Variants in SLC6A9 observed in about 807,000 individuals in gnomAD.
SLC6A9 encodes solute carrier family 6 member 9, also known as sodium- and chloride-dependent glycine transporter 1.
In SLC6A9, 31 loss-of-function variants were observed where a neutral mutation model predicts 70.9. The observed-to-expected ratio is 0.44, with a 90% CI of 0.33 to 0.59. The LOEUF (loss-of-function observed/expected upper bound fraction) is 0.59. Among genes scored for constraint, SLC6A9 ranks in the 20% least tolerant of loss-of-function variants. SLC6A9 has a pLI of 0.04. For synonymous variants in SLC6A9, 310 were observed against 341.3 expected (o/e 0.91, Z 1.01); for missense variants, 631 against 845.2 (o/e 0.75, Z 3.14).
At chr1:43,998,112 T>C in intron 12 of SLC6A9, 87 bp from the exon 13 acceptor site, 1 of 1,304,110 alleles carries the variant, frequency 7.7e-7, no homozygotes. Flanking sequence ...CTTTCCTCTC[T>C]GGTTTCCCAA....
At chr1:44,029,099 C>T (rs2087043133) in intron 1 of SLC6A9, among the ~76,000 whole-genome samples, 1 of 152,180 alleles carries the variant, frequency 6.6e-6, no homozygotes, top group Non-Finnish European at 1.5e-5. Flanking sequence ...CTGGTCTGAG[C>T]TGCTTGTGAG....
At chr1:44,010,440 C>G (rs944173978) in intron 3 of SLC6A9, 17 of 378,426 alleles carry the variant, frequency 4.5e-5, no homozygotes, top group Non-Finnish European at 6.5e-5. Context: ...GGGAATAGAA[C>G]AGGGAGCCTT....
chr1:44,024,211 C>T (rs1258817958), intron 2 of SLC6A9, 37 bp downstream of exon 2: 1 of 1,609,004 alleles, frequency 6.2e-7, no homozygotes, highest in East Asian at 2.2e-5. Context: ...GGGCTTGGGA[C>T]TCCCGTTCCT....
At chr1:44,020,447 T>C (rs1040011580) in intron 2 of SLC6A9, among the ~76,000 whole-genome samples, 10 of 152,176 alleles carry the variant, frequency 6.6e-5, no homozygotes, top group African/African-American at 2.4e-4. Flanking sequence ...AGCTCTGAGC[T>C]GGGTGAGCAC....
rs140927216 is a variant in SLC6A9 at position 44,026,250 on chromosome 1, C to A, written c.-85-1888G>T. Among the ~76,000 whole-genome samples the A allele has an allele frequency of 7.2e-5, 11 of 152,358 alleles. No individual in the cohort carries two copies. The East Asian group carries it at 1.3e-3, about 19-fold the overall frequency. ...AGATCACACCTTGTCCTCTCTCACC[C>A]CTGTGCCTCCCTCTCCAGGTGTAAA... On this transcript the variant is annotated intron_variant, in intron 1 of 13. Transcript: ENST00000372310.
intron 2 of SLC6A9, chr1:44,011,526 T>G (rs200888408): frequency 2.5e-6 from 4 of 1,600,532 alleles, no homozygotes; most frequent in East Asian, 2.2e-5. Flanking sequence ...CTAGCTACAC[T>G]GCCCATGGCT....
chr1:44,001,710 T>A lies in SLC6A9; in HGVS notation c.963-83A>T, dbSNP rs80095976. ...ACATGGAGACACGGAAAGTTCTAGG[T>A]ACAAAGGCACCCCCAACTCTTTTTT... is the stretch of plus-strand genomic sequence containing the variant. On this transcript the variant is annotated intron_variant, in intron 8 of 13. Transcript: ENST00000372310. 28,712 of 1,021,530 alleles carry A rather than the reference T, an allele frequency of 0.028. 1,419 individuals are homozygous for A. Among genetic ancestry groups the A allele is most frequent in the African/African-American group, 0.2 (12,294 of 62,422 alleles). 63.3% of individuals were successfully genotyped at this position (1,021,530 alleles called of 1,614,324 possible).
At position 44,001,452 on chromosome 1, in the gene SLC6A9, T is replaced by C; in HGVS notation, c.1138A>G (p.Ile380Val). Residue 380 changes from isoleucine (I) to valine (V), a missense_variant, in exon 9 of 14, where the codon ATC becomes GTC. Transcript: ENST00000372310. ...AYPEALTLLP[I>V]SPLWSLLFFF... ...AAGAGCAGAGACCACAGCGGGGAGA[T>C]GGGAAGTAGTGTGAGGGCCTCGGGG... is the stretch of plus-strand genomic sequence containing the variant. The C allele has an allele frequency of 6.2e-7, 1 of 1,613,452 alleles. No homozygotes were observed. Among genetic ancestry groups the C allele is most frequent in the Non-Finnish European group, 8.5e-7 (1 of 1,179,870 alleles).
At chr1:44,019,475 C>G (rs889601865) in intron 2 of SLC6A9, among the ~76,000 whole-genome samples, 1 of 152,268 alleles carries the variant, frequency 6.6e-6, no homozygotes, top group African/African-American at 2.4e-5. Flanking sequence ...CCCATGGGCG[C>G]AGACTGAGGG....
intron 5 of SLC6A9, among the ~76,000 whole-genome samples, chr1:44,007,249 T>C (rs916630630): frequency 2.0e-5 from 3 of 152,234 alleles, no homozygotes; most frequent in Non-Finnish European, 4.4e-5. Flanking sequence ...ACCGAGGCAC[T>C]TGCCCTACTG....
intron 2 of SLC6A9, chr1:44,011,435 T>G: frequency 1.3e-6 from 1 of 788,520 alleles, no homozygotes; most frequent in African/African-American, 1.7e-5. Flanking sequence ...TGGGCAGGGC[T>G]GGGGGGAAAT....
chr1:44,020,545 C>A (rs915663025), intron 2 of SLC6A9, among the ~76,000 whole-genome samples: 1 of 152,220 alleles, frequency 6.6e-6, no homozygotes. Flanking sequence ...GCCAAGTCTG[C>A]ACTAGTTGAG....
At chr1:44,019,345 G>C (rs1166569623) in intron 2 of SLC6A9, among the ~76,000 whole-genome samples, 1 of 152,226 alleles carries the variant, frequency 6.6e-6, no homozygotes, top group East Asian at 1.9e-4. Flanking sequence ...TTGGTTTGGG[G>C]AAGATGGGGA....
intron 2 of SLC6A9, among the ~76,000 whole-genome samples, chr1:44,014,178 G>T (rs894197242): frequency 6.6e-5 from 10 of 151,864 alleles, no homozygotes; most frequent in African/African-American, 2.4e-4. Context: ...TGACATCTCA[G>T]TGGGGAATTA....
At chr1:43,998,986 G>T (rs1008847586) in intron 12 of SLC6A9, among the ~76,000 whole-genome samples, 1 of 151,378 alleles carries the variant, frequency 6.6e-6, no homozygotes, top group Non-Finnish European at 1.5e-5. Flanking sequence ...GGGGGAAGGG[G>T]GGGGGCAGTC....
At chr1:44,005,384 G>C (rs1188682050) in intron 5 of SLC6A9, among the ~76,000 whole-genome samples, 1 of 152,196 alleles carries the variant, frequency 6.6e-6, no homozygotes, top group South Asian at 2.1e-4. Flanking sequence ...GAAATCTGCC[G>C]TTTGAGCTTC....
chr1:44,024,397 G>A (rs2086944148), intron 1 of SLC6A9, 35 bp from the exon 2 acceptor site: 6 of 1,295,956 alleles, frequency 4.6e-6, no homozygotes, highest in South Asian at 3.6e-5. Flanking sequence ...TGAGGACTTG[G>A]CCGTGTGGCC....
At chr1:44,029,024 C>T (rs1571924879) in intron 1 of SLC6A9, among the ~76,000 whole-genome samples, 1 of 152,104 alleles carries the variant, frequency 6.6e-6, no homozygotes, top group Non-Finnish European at 1.5e-5. Context: ...GGTGCCCGAC[C>T]CAGAGGACGA....
chr1:44,019,605 A>G (rs1161169742), intron 2 of SLC6A9, among the ~76,000 whole-genome samples: 2 of 152,258 alleles, frequency 1.3e-5, no homozygotes, highest in Non-Finnish European at 2.9e-5. Flanking sequence ...CCGGGTGCCC[A>G]GAACAGGCAG....
Sources: allele counts gnomAD v4.1 joint callset (sites outside exome capture counted in the v4.1 genomes callset), GRCh38; gene constraint gnomAD v4.1.1; transcripts MANE v1.5; gene names NCBI Gene and HGNC (gene_info 2026-07-23, HGNC 2026-07-21).